The following BNIP3L variants were observed in gnomAD, a reference collection of about 807,000 sequenced individuals.
BNIP3L encodes the protein BCL2 interacting protein 3 like.
A neutral mutation model predicts 25.5 loss-of-function variants in BNIP3L; 10 were observed. The observed-to-expected ratio is 0.39, with a 90% CI of 0.24 to 0.67. The LOEUF is 0.67. Among genes scored for constraint, BNIP3L ranks in the 30% least tolerant of loss-of-function variants. BNIP3L has a pLI of 0.45. For synonymous variants in BNIP3L, 113 were observed against 101.2 expected (o/e 1.12, Z -0.70); for missense variants, 215 against 270.9 (o/e 0.79, Z 1.45).
Position 26,383,230 on chromosome 8 carries a change from A to G in BNIP3L, c.100A>G (p.Ser34Gly). The change falls in exon 1 of 6, where the codon AGT becomes GGT. Residue 34 changes from serine (S) to glycine (G), a missense_variant and splice_region_variant. Around this residue, in one of 4 missense-constraint regions of BNIP3L, gnomAD observed 69 missense variants for 53.6 expected, o/e 1.29. Transcript: ENST00000380629. The part of the protein sequence containing the change: ...QSLPPPAGLN[S>G]SWVELPMNSS... ...TCTGCCCCCGCCGGCCGGCCTCAAC[A>G]GTGAGTGCGGGGCCGAGGCTCTGTG... is the stretch of plus-strand genomic sequence containing the variant. 1 of 1,607,526 alleles carries G rather than the reference A, an allele frequency of 6.2e-7. No homozygotes were observed. Among genetic ancestry groups the G allele is most frequent in the Non-Finnish European group, 8.5e-7 (1 of 1,177,636 alleles).
intron 3 of BNIP3L, among the ~76,000 whole-genome samples, chr8:26,398,971 C>A (rs1014915694): frequency 6.6e-6 from 1 of 151,160 alleles, no homozygotes; most frequent in African/African-American, 2.4e-5. Flanking sequence ...GATTCACAGC[C>A]GAATTCTACC....
chr8:26,410,526 T>C lies in BNIP3L; in HGVS notation c.*114T>C, dbSNP rs1169239036. 1 of 1,190,340 alleles carries C rather than the reference T, an allele frequency of 8.4e-7. No homozygotes were observed. Among genetic ancestry groups the C allele is most frequent in the Non-Finnish European group, 1.2e-6 (1 of 808,092 alleles). The allele number at this position is 1,190,340 out of a possible 1,614,324, so 73.7% of individuals were successfully genotyped here. A position where few individuals can be genotyped will look rare whatever the true frequency, so the allele number is the denominator to read the frequency against. Reference sequence around the variant, plus strand: ...ATGACCCAACCTACCACCCTGTTTTTACATATCCAATTCCAGTAACTCTCA... The same window carrying C: ...ATGACCCAACCTACCACCCTGTTTTCACATATCCAATTCCAGTAACTCTCA... On this transcript the variant is annotated 3_prime_UTR_variant, in exon 6 of 6. Coordinates refer to ENST00000380629, the MANE Select transcript of BNIP3L (RefSeq NM_004331.3).
In BNIP3L at chr8:26,391,388, A is replaced by T. The variant is rs142587794; in HGVS notation, c.246A>T (p.Ser82=). 231 of 1,590,500 alleles carry T rather than the reference A, an allele frequency of 1.5e-4. No individual in the cohort carries two copies. The Middle Eastern group carries it at 1.8e-3, about 13-fold the overall frequency. Reference sequence around the variant, plus strand: ...TTCTTTTGGATGCACAACATGAATCAGGACAGAGTAGTTCCAGAGGCAGTT... The same window carrying T: ...TTCTTTTGGATGCACAACATGAATCTGGACAGAGTAGTTCCAGAGGCAGTT... ...EKILLDAQHE[S]GQSSSRGSSH... is the part of the protein sequence containing the mutation. The change falls in exon 2 of 6, where the codon TCA becomes TCT. Residue 82 remains serine (S), a synonymous_variant. Transcript: ENST00000380629.
intron 1 of BNIP3L, among the ~76,000 whole-genome samples, chr8:26,384,524 A>G (rs905351356): frequency 6.6e-6 from 1 of 152,170 alleles, no homozygotes; most frequent in Non-Finnish European, 1.5e-5. Flanking sequence ...ACATATTCCT[A>G]TGCAATTTTA....
At chr8:26,396,606 G>C (rs1341786029) in intron 3 of BNIP3L, among the ~76,000 whole-genome samples, 1 of 150,034 alleles carries the variant, frequency 6.7e-6, no homozygotes, top group Admixed American at 6.6e-5. Context: ...CACCAGCAAC[G>C]GAACAAAGCT....
At chr8:26,408,162 A>G in intron 4 of BNIP3L, 59 bp downstream of exon 4, 1 of 1,611,210 alleles carries the variant, frequency 6.2e-7, no homozygotes, top group Non-Finnish European at 8.5e-7. Flanking sequence ...GCTTACAGGC[A>G]ATGGGCCTGG....
chr8:26,398,826 A>G (rs1806306490), intron 3 of BNIP3L, among the ~76,000 whole-genome samples: 1 of 152,212 alleles, frequency 6.6e-6, no homozygotes, highest in African/African-American at 2.4e-5. Flanking sequence ...GAAGAAATGG[A>G]TACATTCCTC....
At chr8:26,383,442 C>T (rs924173880) in intron 1 of BNIP3L, 3 of 1,311,412 alleles carry the variant, frequency 2.3e-6, no homozygotes, top group Admixed American at 7.1e-5. Flanking sequence ...GTCTTGGGCC[C>T]GGGGCCGTTT....
intron 1 of BNIP3L, among the ~76,000 whole-genome samples, chr8:26,389,055 G>A (rs1806051480): frequency 6.6e-6 from 1 of 151,960 alleles, no homozygotes; most frequent in African/African-American, 2.4e-5. Flanking sequence ...CTCTTCGATT[G>A]CCTACTTCAA....
chr8:26,405,809 G>C (rs552876631), intron 3 of BNIP3L, among the ~76,000 whole-genome samples: 1 of 152,330 alleles, frequency 6.6e-6, no homozygotes, highest in South Asian at 2.1e-4. Context: ...TTGGGAGGCT[G>C]AGGCGTGTAG....
intron 2 of BNIP3L, among the ~76,000 whole-genome samples, chr8:26,393,685 A>G (rs979902863): frequency 1.3e-5 from 2 of 152,064 alleles, no homozygotes; most frequent in Non-Finnish European, 1.5e-5. Context: ...GGTCACGGCT[A>G]TGTAAGGCTG....
At chr8:26,387,371 T>C (rs1193033867) in intron 1 of BNIP3L, among the ~76,000 whole-genome samples, 1 of 152,246 alleles carries the variant, frequency 6.6e-6, no homozygotes, top group East Asian at 1.9e-4. Flanking sequence ...TTGTAAAGTC[T>C]TTTAGATAAT....
chr8:26,394,787 A>G (rs532476776), intron 2 of BNIP3L, among the ~76,000 whole-genome samples: 4 of 152,352 alleles, frequency 2.6e-5, no homozygotes, highest in Non-Finnish European at 5.9e-5. Flanking sequence ...TGTAACCTCA[A>G]AGACCCTCTG....
chr8:26,404,913 C>A (rs1485167198), intron 3 of BNIP3L, among the ~76,000 whole-genome samples: 4 of 152,074 alleles, frequency 2.6e-5, no homozygotes, highest in African/African-American at 2.4e-5. Flanking sequence ...TTCTGGAATT[C>A]TAAGAATTGG....
intron 3 of BNIP3L, among the ~76,000 whole-genome samples, chr8:26,401,252 T>C (rs1806364125): frequency 7.3e-6 from 1 of 136,572 alleles, no homozygotes; most frequent in Non-Finnish European, 1.6e-5. Flanking sequence ...AATGATGAGT[T>C]CATGTCCTTT....
chr8:26,406,044 A>G (rs1400636370), intron 3 of BNIP3L, among the ~76,000 whole-genome samples: 2 of 151,960 alleles, frequency 1.3e-5, no homozygotes, highest in East Asian at 1.9e-4. Context: ...CTCCGTCTCA[A>G]AAAGAAAACT....
rs1806646436 is a variant in BNIP3L, at chr8:26,412,272, A to G, written c.*1860A>G. Reference sequence around the variant, plus strand: ...AGAAAGTAAATCTGATGGCTCACTGATTTTTGAAAAGCCTGAATAAAATTG... The same window carrying G: ...AGAAAGTAAATCTGATGGCTCACTGGTTTTTGAAAAGCCTGAATAAAATTG... On this transcript the variant is annotated 3_prime_UTR_variant, in exon 6 of 6. Coordinates refer to ENST00000380629, the MANE Select transcript of BNIP3L (RefSeq NM_004331.3). 1 of 152,208 alleles carries G rather than the reference A, an allele frequency of 6.6e-6. No individual in the cohort carries two copies. Among genetic ancestry groups the G allele is most frequent in the Admixed American group, 6.5e-5 (1 of 15,282 alleles). 9.4% of individuals were successfully genotyped at this position (152,208 alleles called of 1,614,324 possible).
chr8:26,408,458 GT>G, intron 5 of BNIP3L, 82 bp downstream of exon 5: 1 of 1,445,224 alleles, frequency 6.9e-7, no homozygotes, highest in Non-Finnish European at 9.4e-7. Context: ...TGTGAAAGCA[GT>G]TTTTATTGCT....
intron 5 of BNIP3L, among the ~76,000 whole-genome samples, chr8:26,409,941 T>G (rs1389872110): frequency 4.5e-5 from 1 of 22,044 alleles, no homozygotes; most frequent in Non-Finnish European, 1.0e-4. Flanking sequence ...CTTTTAAGGT[T>G]TTTTTTTTCT....
Sources: allele counts gnomAD v4.1 joint callset (sites outside exome capture counted in the v4.1 genomes callset), GRCh38; gene constraint gnomAD v4.1.1; regional missense constraint gnomAD v4.1.1; transcripts MANE v1.5; gene names NCBI Gene and HGNC (gene_info 2026-07-23, HGNC 2026-07-21).